Variants in RGS20 observed in about 807,000 individuals in gnomAD.
RGS20 encodes regulator of G protein signaling 20, also known as gz-selective GTPase-activating protein.
In RGS20, 30 loss-of-function variants were observed where a neutral mutation model predicts 33.6. The ratio of observed to expected loss-of-function variants is 0.89; its 90% CI spans 0.67 to 1.21. The LOEUF (loss-of-function observed/expected upper bound fraction) is 1.21, where lower values mean the gene tolerates loss of function less well. RGS20 is among the 50% of genes most tolerant of loss of function. RGS20 has a pLI of 0.00. For missense variants in RGS20, 472 were observed against 502.4 expected, an observed-to-expected ratio of 0.94 and a Z score of 0.58; for synonymous variants, 208 against 197.9, an observed-to-expected ratio of 1.05 and a Z score of -0.43.
At chr8:53,879,930 C>G (rs887494915) in intron 2 of RGS20, 4 of 300,224 alleles carry the variant, frequency 1.3e-5, no homozygotes, top group Non-Finnish European at 2.4e-5. Flanking sequence ...TCCGCCTACT[C>G]CGAGCCTCCC....
intron 2 of RGS20, among the ~76,000 whole-genome samples, chr8:53,934,529 G>A (rs1240608783): frequency 6.6e-6 from 1 of 152,116 alleles, no homozygotes; most frequent in Non-Finnish European, 1.5e-5. Context: ...TTACATAATG[G>A]TAAAGGGATC....
At chr8:53,904,155 CTCTG>C (rs1234229589) in intron 2 of RGS20, among the ~76,000 whole-genome samples, 1 of 150,338 alleles carries the variant, frequency 6.7e-6, no homozygotes, top group Non-Finnish European at 1.5e-5. Context: ...CCAAGTCTCA[CTCTG>C]TCACCCAGGC....
chr8:53,882,514 T>C (rs1229462722), intron 2 of RGS20, among the ~76,000 whole-genome samples: 2 of 152,000 alleles, frequency 1.3e-5, no homozygotes, highest in African/African-American at 4.8e-5. Flanking sequence ...GTGAACGTGG[T>C]CTACAGGATT....
intron 2 of RGS20, chr8:53,887,041 C>A: frequency 6.3e-6 from 1 of 159,852 alleles, no homozygotes; most frequent in Non-Finnish European, 1.4e-5. Context: ...AGCAATAAAT[C>A]AGACAACATT....
chr8:53,938,051 T>G (rs995843784), intron 2 of RGS20, among the ~76,000 whole-genome samples: 2 of 152,206 alleles, frequency 1.3e-5, no homozygotes, highest in Non-Finnish European at 2.9e-5. Context: ...CCCAAAGGAT[T>G]AGAAATCATT....
Position 53,861,066 on chromosome 8 carries a change from A to G in RGS20, c.165+9002A>G, listed in dbSNP as rs996317334. ...ATATTTTGAGTGATTGCAACTTTAA[A>G]CCAACTTATGGGATTCCAAAATCAA... On this transcript the variant is annotated intron_variant, in intron 1 of 5. Transcript: ENST00000297313. 6.6e-5 allele frequency among the ~76,000 whole-genome samples: 10 copies of G among 152,208 alleles called. No homozygotes were observed. The South Asian group carries it at 8.3e-4, about 13-fold the overall frequency.
chr8:53,857,810 T>C (rs373692784), intron 1 of RGS20, among the ~76,000 whole-genome samples: 1 of 152,174 alleles, frequency 6.6e-6, no homozygotes, highest in African/African-American at 2.4e-5. Context: ...AAAACACTTC[T>C]GGTTCCAAAC....
chr8:53,913,496 G>A (rs1813403473), intron 2 of RGS20: 1 of 152,186 alleles, frequency 6.6e-6, no homozygotes, highest in Non-Finnish European at 1.5e-5. Flanking sequence ...TTTGGAAACA[G>A]GGTCTTTGCA....
chr8:53,879,910 G>C, intron 2 of RGS20: 1 of 337,746 alleles, frequency 3.0e-6, no homozygotes, highest in East Asian at 4.8e-5. Flanking sequence ...CTCTCAGCGT[G>C]TCGCTCTCCT....
intron 5 of RGS20, among the ~76,000 whole-genome samples, chr8:53,956,593 G>A (rs1452073800): frequency 1.3e-5 from 2 of 152,202 alleles, no homozygotes; most frequent in Non-Finnish European, 2.9e-5. Flanking sequence ...ACTCCCATAT[G>A]TCTGGTGTAG....
chr8:53,949,654 T>G (rs1411495783), intron 4 of RGS20, among the ~76,000 whole-genome samples: 1 of 149,336 alleles, frequency 6.7e-6, no homozygotes, highest in Non-Finnish European at 1.5e-5. Flanking sequence ...GAGGCAGAGG[T>G]TGCAGTGAGC....
intron 4 of RGS20, among the ~76,000 whole-genome samples, chr8:53,947,489 T>A (rs1038059403): frequency 6.5e-5 from 9 of 139,044 alleles, no homozygotes; most frequent in African/African-American, 1.8e-4. Flanking sequence ...CATTTATATA[T>A]GCTATATAGG....
At chr8:53,862,145 C>T (rs1490551507) in intron 1 of RGS20, among the ~76,000 whole-genome samples, 1 of 152,138 alleles carries the variant, frequency 6.6e-6, no homozygotes, top group Non-Finnish European at 1.5e-5. Context: ...ACCCACCCCT[C>T]ACCTTGGACT....
chr8:53,870,748 T>C (rs1367132415), intron 1 of RGS20, among the ~76,000 whole-genome samples: 1 of 152,142 alleles, frequency 6.6e-6, no homozygotes, highest in Non-Finnish European at 1.5e-5. Flanking sequence ...CAGCTTTGTC[T>C]CCTGAGGTCC....
chr8:53,855,925 G>A (rs2129266282), intron 1 of RGS20, among the ~76,000 whole-genome samples: 1 of 152,308 alleles, frequency 6.6e-6, no homozygotes, highest in East Asian at 1.9e-4. Context: ...GAGAAAACAA[G>A]TTTAGATATA....
At chr8:53,925,659 C>T (rs546017580) in intron 2 of RGS20, among the ~76,000 whole-genome samples, 5 of 152,078 alleles carry the variant, frequency 3.3e-5, no homozygotes, top group South Asian at 2.1e-4. Flanking sequence ...CACTTGAATC[C>T]GGGAGGTGGA....
intron 2 of RGS20, among the ~76,000 whole-genome samples, chr8:53,904,606 C>T (rs1432973221): frequency 6.6e-6 from 1 of 152,202 alleles, no homozygotes; most frequent in Admixed American, 6.5e-5. Flanking sequence ...ATATATTCCT[C>T]AGCCATTTGA....
chr8:53,939,674 C>T lies in RGS20; in HGVS notation c.609C>T (p.Arg203=), dbSNP rs1268130785. The T allele has an allele frequency of 1.3e-6, 2 of 1,576,928 alleles. No homozygotes were observed. Among genetic ancestry groups the T allele is most frequent in the African/African-American group, 2.7e-5 (2 of 74,558 alleles). Residue 203 remains arginine (R), a synonymous_variant, in exon 3 of 6, where the codon CGC becomes CGT. Transcript: ENST00000297313. ...CAGGCCAGCCCGGAGCGGGGAGTCG[C>T]GGGTCCAACGCATGCTGCTTCTGCT... is the stretch of plus-strand genomic sequence containing the variant.
At chr8:53,944,960 G>C (rs1814429643) in intron 3 of RGS20, among the ~76,000 whole-genome samples, 1 of 152,144 alleles carries the variant, frequency 6.6e-6, no homozygotes, top group African/African-American at 2.4e-5. Flanking sequence ...AAAGACAACA[G>C]TAACTGTTGG....
Sources: allele counts gnomAD v4.1 joint callset (sites outside exome capture counted in the v4.1 genomes callset), GRCh38; gene constraint gnomAD v4.1.1; transcripts MANE v1.5; gene names NCBI Gene and HGNC (gene_info 2026-07-23, HGNC 2026-07-21).